KAZN: variants seen among roughly 807,000 people sequenced by gnomAD.
KAZN encodes the protein kazrin, periplakin interacting protein, also known as kazrin.
In KAZN, 40 loss-of-function variants were observed where a neutral mutation model predicts 87.4. That is an observed-to-expected ratio of 0.46 (90% CI 0.36 to 0.60). The LOEUF is 0.60. Among genes scored for constraint, KAZN ranks in the 20% least tolerant of loss-of-function variants. The pLI is 0.00. For synonymous variants in KAZN, 466 were observed against 458.3 expected, an observed-to-expected ratio of 1.02 and a Z score of -0.22; for missense variants, 898 against 1,073.9, an observed-to-expected ratio of 0.84 and a Z score of 2.29.
intron 2 of KAZN, among the ~76,000 whole-genome samples, chr1:14,423,283 C>T (rs1405385267): frequency 6.6e-6 from 1 of 152,190 alleles, no homozygotes; most frequent in Non-Finnish European, 1.5e-5. Flanking sequence ...CCTGCAGTCC[C>T]TTTATTTTCT....
intron 2 of KAZN, among the ~76,000 whole-genome samples, chr1:14,245,092 C>T (rs1649370987): frequency 6.6e-6 from 1 of 152,022 alleles, no homozygotes; most frequent in Non-Finnish European, 1.5e-5. Context: ...TCCCGAGTAG[C>T]TGAGATTACC....
At chr1:14,469,535 T>C (rs1668336055) in intron 2 of KAZN, among the ~76,000 whole-genome samples, 2 of 152,198 alleles carry the variant, frequency 1.3e-5, no homozygotes, top group South Asian at 4.1e-4. Flanking sequence ...AATTGGGCAG[T>C]TTATCAGTGA....
chr1:14,863,886 T>C (rs1021077333), intron 1 of KAZN, among the ~76,000 whole-genome samples: 15 of 152,196 alleles, frequency 9.9e-5, no homozygotes, highest in Admixed American at 2.0e-4. Context: ...GCATGCAGTG[T>C]GTTCGGGAGG....
At position 14,876,785 on chromosome 1, in the gene KAZN, T is replaced by A. The variant is rs553099078; in HGVS notation, c.227-83899T>A. 3.8e-4 allele frequency among the ~76,000 whole-genome samples: 58 copies of A among 152,352 alleles called. 1 individual carries two copies. Among genetic ancestry groups the A allele is most frequent in the African/African-American group, 1.3e-3 (55 of 41,582 alleles). On this transcript the variant is annotated intron_variant, in intron 1 of 14. Transcript: ENST00000376030. ...AGAGCTAATAAATGTTAGCTGTTAT[T>A]ATTCTCCCTCCAGACCTTTTTGTAG...
chr1:14,039,882 A>G (rs977507524), intron 1 of KAZN, among the ~76,000 whole-genome samples: 1 of 152,350 alleles, frequency 6.6e-6, no homozygotes, highest in Non-Finnish European at 1.5e-5. Context: ...ATCAATTCCA[A>G]TAGACAAGCT....
At position 15,056,333 on chromosome 1, in the gene KAZN, G is replaced by A; in HGVS notation, c.916+53G>A. On this transcript the variant is annotated intron_variant, in intron 5 of 14. Transcript: ENST00000376030. This position sits in a 1 kb window ranked among gnomAD's most constrained non-coding sequence, Gnocchi z 5.4. ...CACGGCTTCGAGGGGCTTCACAGGA[G>A]GCCATCTGACCCAGTGGGAGAGGCA... The A allele has an allele frequency of 1.3e-6, 2 of 1,524,178 alleles. No individual in the cohort carries two copies. The highest frequency in any genetic ancestry group is 2.4e-5 in the South Asian group (2 of 81,728). The allele number at this position is 1,524,178 out of a possible 1,614,324, so 94.4% of individuals were successfully genotyped here.
intron 2 of KAZN, among the ~76,000 whole-genome samples, chr1:14,375,495 C>T (rs1660824395): frequency 6.6e-6 from 1 of 152,168 alleles, no homozygotes; most frequent in Non-Finnish European, 1.5e-5. Context: ...AGGCAAGATG[C>T]TCATACTAAG....
intron 2 of KAZN, among the ~76,000 whole-genome samples, chr1:15,018,151 G>A (rs1233755924): frequency 3.3e-5 from 5 of 151,842 alleles, no homozygotes; most frequent in Non-Finnish European, 2.9e-5. Flanking sequence ...AAGTGTGTAC[G>A]TCTGCTCACA....
chr1:14,718,610 A>C lies in KAZN; in HGVS notation c.226+119387A>C, dbSNP rs991245862. 9.9e-5 allele frequency among the ~76,000 whole-genome samples: 15 copies of C among 152,248 alleles called. No homozygotes were observed. The South Asian group carries it at 3.1e-3, about 32-fold the overall frequency. On this transcript the variant is annotated intron_variant, in intron 1 of 14. Coordinates refer to ENST00000376030, the MANE Select transcript of KAZN (RefSeq NM_201628.3). ...TGCTTTTGGTGCAGCCGCTAAGCTG[A>C]CTGTTAAATATTTGTCTCTCCTGCC...
At chr1:14,614,117 C>T (rs556172491) in intron 1 of KAZN, among the ~76,000 whole-genome samples, 16 of 152,298 alleles carry the variant, frequency 1.1e-4, no homozygotes, top group African/African-American at 3.8e-4. Context: ...TGTCACCCTG[C>T]CTCATCTCCA....
intron 1 of KAZN, among the ~76,000 whole-genome samples, chr1:14,866,368 G>C (rs1171016991): frequency 4.6e-5 from 7 of 152,138 alleles, no homozygotes; most frequent in Non-Finnish European, 1.0e-4. Context: ...ATAAGCTCCT[G>C]GTCAAGGTCT....
At chr1:14,989,592 C>G (rs570453807) in intron 2 of KAZN, among the ~76,000 whole-genome samples, 1 of 152,340 alleles carries the variant, frequency 6.6e-6, no homozygotes, top group Non-Finnish European at 1.5e-5. Flanking sequence ...GAGTTCAAAT[C>G]CTGGCTCTGA....
At chr1:14,175,240 A>C (rs140869978) in intron 1 of KAZN, among the ~76,000 whole-genome samples, 4,502 of 152,242 alleles carry the variant, frequency 0.03, 218 homozygotes, top group African/African-American at 0.1. Flanking sequence ...AGTAGCTGGG[A>C]CTACAGGCGC....
chr1:14,641,719 C>T (rs1310824299), intron 1 of KAZN, among the ~76,000 whole-genome samples: 6 of 152,206 alleles, frequency 3.9e-5, no homozygotes, highest in African/African-American at 9.6e-5. Flanking sequence ...CCCTTCGTTA[C>T]GAGAAAGGCG....
intron 1 of KAZN, among the ~76,000 whole-genome samples, chr1:14,120,421 C>T (rs772240833): frequency 9.9e-5 from 15 of 152,158 alleles, no homozygotes; most frequent in Non-Finnish European, 2.2e-4. Flanking sequence ...CAGGCCCCAC[C>T]TCCAACACTG....
At position 15,114,887 on chromosome 1, in the gene KAZN, A is replaced by T; in HGVS notation, c.*252A>T. 1 of 390,424 alleles carries T rather than the reference A, an allele frequency of 2.6e-6. No homozygotes were observed. The highest frequency in any genetic ancestry group is 4.3e-5 in the East Asian group (1 of 23,062). 24.2% of individuals were successfully genotyped at this position (390,424 alleles called of 1,614,324 possible). On this transcript the variant is annotated 3_prime_UTR_variant, in exon 15 of 15. Coordinates refer to ENST00000376030, the MANE Select transcript of KAZN (RefSeq NM_201628.3). ...GAGATGGGCCCAGAGGACCTGTCAC[A>T]GTGTCCGGCCCTGCCTCCATCCAGG...
chr1:15,012,339 C>A (rs1192274897), intron 2 of KAZN, among the ~76,000 whole-genome samples: 1 of 152,116 alleles, frequency 6.6e-6, no homozygotes, highest in Non-Finnish European at 1.5e-5. Context: ...GGGGCCAATC[C>A]ACAGGCTCCA....
intron 3 of KAZN, among the ~76,000 whole-genome samples, chr1:15,042,038 C>T (rs184670466): frequency 5.9e-5 from 9 of 152,204 alleles, no homozygotes; most frequent in East Asian, 1.9e-4. Context: ...CTCCTGCTGC[C>T]GCGGAATATG....
chr1:14,139,260 A>T (rs1645180087), intron 1 of KAZN, among the ~76,000 whole-genome samples: 1 of 152,222 alleles, frequency 6.6e-6, no homozygotes, highest in African/African-American at 2.4e-5. Flanking sequence ...TGAAGGGAGA[A>T]GGTAAGCTGA....
Sources: allele counts gnomAD v4.1 joint callset (sites outside exome capture counted in the v4.1 genomes callset), GRCh38; gene constraint gnomAD v4.1.1; non-coding constraint Gnocchi (gnomAD v3.1); transcripts MANE v1.5; gene names NCBI Gene and HGNC (gene_info 2026-07-23, HGNC 2026-07-21).